The following GRHL2 variants were observed in gnomAD, a reference collection of about 807,000 sequenced individuals.
GRHL2 encodes grainyhead like transcription factor 2.
In GRHL2, 21 loss-of-function variants were observed where a neutral mutation model predicts 83.8. That is an observed-to-expected ratio of 0.25 (90% CI 0.18 to 0.36). The LOEUF is 0.36. Ranked by LOEUF, GRHL2 falls within the 10% of genes least tolerant of loss-of-function variation. The pLI is 1.00. For missense variants in GRHL2, 623 were observed against 781.8 expected (o/e 0.80, Z 2.42); for synonymous variants, 280 against 278.9 (o/e 1.00, Z -0.04).
At chr8:101,676,554 G>A in the GRHL2 span, among the ~76,000 whole-genome samples, 5 of 152,102 alleles carry the variant, frequency 3.3e-5, no homozygotes, top group South Asian at 8.3e-4. Context: ...TCAAAAGTCA[G>A]GAAACAACAG....
intron 9 of GRHL2, among the ~76,000 whole-genome samples, chr8:101,631,117 T>C (rs530983084): frequency 4.3e-4 from 66 of 152,334 alleles, no homozygotes; most frequent in African/African-American, 1.5e-3. Context: ...ATGTACAAAG[T>C]GGTCCTACAT....
At chr8:101,649,649 C>G (rs1813582361) in intron 14 of GRHL2, 150 bp downstream of exon 14, 2 of 706,500 alleles carry the variant, frequency 2.8e-6, no homozygotes, top group Admixed American at 2.1e-5. Context: ...GCATTGATCT[C>G]GCTACTGTCA....
chr8:101,611,962 T>C lies in GRHL2; in HGVS notation c.1099-7577T>C, dbSNP rs573509965. 4.0e-4 allele frequency among the ~76,000 whole-genome samples: 61 copies of C among 151,136 alleles called. 3 individuals carry two copies. The highest frequency in any genetic ancestry group is 1.5e-3 in the African/African-American group (61 of 40,528). ...ACTCCTACAGGAAATCTTCCCTGGCTGCATTGTTGAGCTCTCTTCTTCTTC... is the reference window on the plus strand; with the variant it reads ...ACTCCTACAGGAAATCTTCCCTGGCCGCATTGTTGAGCTCTCTTCTTCTTC... On this transcript the variant is annotated intron_variant, in intron 8 of 15. Coordinates refer to ENST00000646743, the MANE Select transcript of GRHL2 (RefSeq NM_024915.4).
intron 8 of GRHL2, among the ~76,000 whole-genome samples, chr8:101,604,266 C>G (rs764031933): frequency 6.6e-6 from 1 of 152,102 alleles, no homozygotes; most frequent in African/African-American, 2.4e-5. Flanking sequence ...GGAATTCCCA[C>G]GCAAGACCCT....
intron 2 of GRHL2, among the ~76,000 whole-genome samples, chr8:101,546,006 C>T (rs1448484766): frequency 2.0e-5 from 3 of 151,136 alleles, no homozygotes; most frequent in Non-Finnish European, 4.4e-5. Context: ...CTCAGCCTCC[C>T]AAGTAGCTGG....
chr8:101,545,906 G>A (rs1184508164), intron 2 of GRHL2, among the ~76,000 whole-genome samples: 1 of 67,840 alleles, frequency 1.5e-5, no homozygotes, highest in Non-Finnish European at 2.6e-5. Flanking sequence ...TTTTTGAGAT[G>A]GAGTCTTGCT....
rs908693893 is a variant in GRHL2, at chr8:101,669,319, T to G, written c.*2616T>G. The G allele has an allele frequency of 9.3e-5, 14 of 150,106 alleles. No individual in the cohort carries two copies. The highest frequency in any genetic ancestry group is 3.4e-4 in the African/African-American group (14 of 40,686). The allele number at this position is 150,106 out of a possible 1,614,324, so 9.3% of individuals were successfully genotyped here. Reference sequence around the variant, plus strand: ...ACTTTTTCCTCATACATCTCCAAATTGTTTAAACTTACTTTATGAGTGTTT... The same window carrying G: ...ACTTTTTCCTCATACATCTCCAAATGGTTTAAACTTACTTTATGAGTGTTT... On this transcript the variant is annotated 3_prime_UTR_variant, in exon 16 of 16. Coordinates refer to ENST00000646743, the MANE Select transcript of GRHL2 (RefSeq NM_024915.4).
downstream of GRHL2, among the ~76,000 whole-genome samples, chr8:101,670,236 G>T (rs1452295624): frequency 2.0e-5 from 3 of 152,176 alleles, no homozygotes; most frequent in African/African-American, 7.2e-5. Context: ...ATCTGCTGGG[G>T]TTTCCTTGGT....
the GRHL2 span, among the ~76,000 whole-genome samples, chr8:101,678,021 A>G: frequency 6.6e-6 from 1 of 152,108 alleles, no homozygotes; most frequent in Non-Finnish European, 1.5e-5. Context: ...CACCTCAAAA[A>G]CCAGAAAATT....
chr8:101,676,643 G>C, the GRHL2 span, among the ~76,000 whole-genome samples: 1 of 152,164 alleles, frequency 6.6e-6, no homozygotes, highest in Non-Finnish European at 1.5e-5. Context: ...CATTGTGGAA[G>C]TCAGTGTGGC....
At chr8:101,644,260 G>T (rs1813464179) in intron 13 of GRHL2, 35 bp downstream of exon 13, 1 of 1,537,788 alleles carries the variant, frequency 6.5e-7, no homozygotes, top group Non-Finnish European at 9.0e-7. Context: ...CTCTCAGAAG[G>T]GATGCGGGGT....
chr8:101,562,536 T>C (rs1811629346), intron 4 of GRHL2: 1 of 247,162 alleles, frequency 4.0e-6, no homozygotes, highest in Admixed American at 5.3e-5. Context: ...GCTTGAGAGG[T>C]GATGTAATTT....
chr8:101,575,463 C>T (rs1340048604), intron 6 of GRHL2, among the ~76,000 whole-genome samples: 1 of 152,128 alleles, frequency 6.6e-6, no homozygotes, highest in Non-Finnish European at 1.5e-5. Context: ...AGGACTTCAA[C>T]CTCCACCCTT....
Position 101,573,607 on chromosome 8 carries a change from G to T in GRHL2, c.735-61G>T, listed in dbSNP as rs1811870796. ...ATGTGAAATGCTATGATGTGAAATT[G>T]GTCAAAAGAGCAGAAATGTCCAAGT... On this transcript the variant is annotated intron_variant, in intron 5 of 15. Coordinates refer to ENST00000646743, the MANE Select transcript of GRHL2 (RefSeq NM_024915.4). 8 of 1,592,782 alleles carry T rather than the reference G, an allele frequency of 5.0e-6. No homozygotes were observed. In the Admixed American group the frequency reaches 1.3e-4, roughly 27 times the overall value.
At chr8:101,579,765 C>T (rs769791139) in intron 7 of GRHL2, among the ~76,000 whole-genome samples, 9 of 152,200 alleles carry the variant, frequency 5.9e-5, no homozygotes, top group Non-Finnish European at 1.0e-4. Context: ...TGTCCTGGCA[C>T]ATATGTCTGC....
At chr8:101,553,984 A>T (rs1192884436) in intron 3 of GRHL2, among the ~76,000 whole-genome samples, 1 of 152,134 alleles carries the variant, frequency 6.6e-6, no homozygotes, top group Non-Finnish European at 1.5e-5. Context: ...CTGCAGTGGG[A>T]TGGAGAGAAG....
At chr8:101,505,547 A>G (rs1314198894) in intron 1 of GRHL2, among the ~76,000 whole-genome samples, 2 of 136,766 alleles carry the variant, frequency 1.5e-5, no homozygotes, top group Non-Finnish European at 3.1e-5. Context: ...ACTGTACTCC[A>G]GCCTGGGCAA....
At chr8:101,605,303 A>G (rs879261179) in intron 8 of GRHL2, among the ~76,000 whole-genome samples, 17 of 152,140 alleles carry the variant, frequency 1.1e-4, no homozygotes, top group Non-Finnish European at 1.2e-4. Flanking sequence ...ACCTCTCAAC[A>G]TATCAGGCCC....
At chr8:101,644,314 A>G in intron 13 of GRHL2, 89 bp downstream of exon 13, 2 of 1,014,258 alleles carry the variant, frequency 2.0e-6, no homozygotes, top group Non-Finnish European at 1.5e-6. Flanking sequence ...CCAGGCCCCC[A>G]TGGCTCTGTG....
Sources: gnomAD v4.1 joint callset for allele counts (sites outside exome capture counted in the v4.1 genomes callset) on GRCh38, gnomAD v4.1.1 for gene constraint, MANE v1.5 for transcripts, NCBI Gene and HGNC (gene_info 2026-07-23, HGNC 2026-07-21) for gene names.